Variants in GRID2 observed in about 807,000 individuals in gnomAD.
GRID2 encodes glutamate receptor ionotropic, delta-2.
Under a neutral mutation model 114.8 loss-of-function variants are expected in GRID2, and 33 were observed. The observed-to-expected ratio is 0.29, with a 90% CI of 0.22 to 0.38. GRID2 has a LOEUF of 0.38. Among genes scored for constraint, GRID2 ranks in the 10% least tolerant of loss-of-function variants. GRID2 has a pLI of 1.00. For missense variants in GRID2, 1,184 were observed against 1,257.7 expected, an observed-to-expected ratio of 0.94 and a Z score of 0.89; for synonymous variants, 505 against 449.9, an observed-to-expected ratio of 1.12 and a Z score of -1.55.
At chr4:93,413,954 G>T (rs1279106204) in intron 9 of GRID2, among the ~76,000 whole-genome samples, 1 of 152,084 alleles carries the variant, frequency 6.6e-6, no homozygotes, top group Non-Finnish European at 1.5e-5. Context: ...GAAAGCTTTA[G>T]TTCATCTAAT....
chr4:93,013,841 A>G (rs1175961927), intron 2 of GRID2, among the ~76,000 whole-genome samples: 1 of 151,978 alleles, frequency 6.6e-6, no homozygotes, highest in Non-Finnish European at 1.5e-5. Flanking sequence ...TTTAATAAAC[A>G]TTATTTGAGG....
intron 2 of GRID2, among the ~76,000 whole-genome samples, chr4:92,938,304 T>C (rs1750818585): frequency 6.8e-6 from 1 of 146,750 alleles, no homozygotes; most frequent in Non-Finnish European, 1.5e-5. Context: ...TTCTTATCAA[T>C]AGCATAAATC....
At chr4:92,920,412 C>T (rs2149503842) in intron 2 of GRID2, among the ~76,000 whole-genome samples, 1 of 152,246 alleles carries the variant, frequency 6.6e-6, no homozygotes, top group Non-Finnish European at 1.5e-5. Flanking sequence ...GGTTATTTTG[C>T]TCATTAGTTG....
At chr4:92,829,500 T>C (rs1022358290) in intron 2 of GRID2, among the ~76,000 whole-genome samples, 3 of 152,088 alleles carry the variant, frequency 2.0e-5, no homozygotes, top group Non-Finnish European at 4.4e-5. Flanking sequence ...GAGTGTAAAT[T>C]AGTTGAACCA....
intron 13 of GRID2, among the ~76,000 whole-genome samples, chr4:93,524,458 GATC>G (rs1730633135): frequency 1.3e-5 from 2 of 152,182 alleles, no homozygotes; most frequent in Admixed American, 1.3e-4. Flanking sequence ...AAGATGTAGA[GATC>G]ATTTCCAGCA....
chr4:92,737,274 T>A (rs1736643086), intron 2 of GRID2, among the ~76,000 whole-genome samples: 1 of 152,108 alleles, frequency 6.6e-6, no homozygotes, highest in Non-Finnish European at 1.5e-5. Flanking sequence ...TGATCAGGAA[T>A]ACTGAAGTGA....
chr4:93,493,229 C>T (rs886108952), intron 12 of GRID2, among the ~76,000 whole-genome samples: 4 of 151,620 alleles, frequency 2.6e-5, no homozygotes, highest in African/African-American at 4.8e-5. Context: ...ATAAATAAAT[C>T]GTAAAAAGTT....
At chr4:93,001,906 G>A (rs1348128769) in intron 2 of GRID2, among the ~76,000 whole-genome samples, 1 of 150,442 alleles carries the variant, frequency 6.6e-6, no homozygotes, top group Non-Finnish European at 1.5e-5. Flanking sequence ...AAATTATAAA[G>A]GATAGACACC....
chr4:93,296,110 G>T (rs1754280305), intron 8 of GRID2, among the ~76,000 whole-genome samples: 1 of 152,152 alleles, frequency 6.6e-6, no homozygotes, highest in South Asian at 2.1e-4. Flanking sequence ...TAATGGTGTT[G>T]GCAGGCCATA....
intron 2 of GRID2, among the ~76,000 whole-genome samples, chr4:92,916,874 C>T (rs1748847649): frequency 6.6e-6 from 1 of 152,098 alleles, no homozygotes; most frequent in Non-Finnish European, 1.5e-5. Flanking sequence ...TGGGTATATA[C>T]CCAGTAATGG....
chr4:93,419,555 C>A (rs1768060706), intron 9 of GRID2, among the ~76,000 whole-genome samples: 1 of 151,962 alleles, frequency 6.6e-6, no homozygotes, highest in Non-Finnish European at 1.5e-5. Context: ...GAGCTTAAAA[C>A]TAAAGCTTTA....
intron 2 of GRID2, among the ~76,000 whole-genome samples, chr4:92,806,517 A>G (rs920678813): frequency 6.6e-6 from 1 of 151,750 alleles, no homozygotes; most frequent in African/African-American, 2.4e-5. Flanking sequence ...TGTCTCCACT[A>G]TTACAATATA....
At chr4:93,089,826 A>G (rs545087972) in intron 3 of GRID2, among the ~76,000 whole-genome samples, 1 of 152,208 alleles carries the variant, frequency 6.6e-6, no homozygotes, top group South Asian at 2.1e-4. Context: ...GAGAGACTTT[A>G]TTACTCATGG....
At chr4:93,338,656 TTGTTCAAGC>T (rs1759330021) in intron 8 of GRID2, among the ~76,000 whole-genome samples, 1 of 152,196 alleles carries the variant, frequency 6.6e-6, no homozygotes, top group African/African-American at 2.4e-5. Flanking sequence ...TCTTGTGAGC[TTGTTCAAGC>T]TGGCTCTATC....
intron 9 of GRID2, among the ~76,000 whole-genome samples, chr4:93,411,350 CAT>C (rs150042778): frequency 0.012 from 1,780 of 152,102 alleles, 30 homozygotes; most frequent in African/African-American, 0.039. Flanking sequence ...CATGTACACA[CAT>C]GTTTCAAATT....
At chr4:92,453,201 T>C (rs1409327070) in intron 1 of GRID2, among the ~76,000 whole-genome samples, 1 of 151,972 alleles carries the variant, frequency 6.6e-6, no homozygotes, top group African/African-American at 2.4e-5. Context: ...CCATCAAACA[T>C]TGAAGCAGTT....
At chr4:93,516,188 T>C (rs1396945936) in intron 13 of GRID2, among the ~76,000 whole-genome samples, 3 of 152,184 alleles carry the variant, frequency 2.0e-5, no homozygotes, top group East Asian at 1.9e-4. Context: ...AATAGTGGTA[T>C]ACACTTTTTC....
chr4:92,444,400 T>TG (rs147478949), intron 1 of GRID2, among the ~76,000 whole-genome samples: 1 of 148,280 alleles, frequency 6.7e-6, no homozygotes, highest in Admixed American at 6.7e-5. Flanking sequence ...CGGGCAGGAG[T>TG]GGGGGTCACA....
At chr4:92,963,916 A>G (rs1006978090) in intron 2 of GRID2, among the ~76,000 whole-genome samples, 2 of 152,046 alleles carry the variant, frequency 1.3e-5, no homozygotes, top group South Asian at 2.1e-4. Context: ...CATAAAATCA[A>G]TATTAATTTC....
Sources: allele counts gnomAD v4.1 joint callset (sites outside exome capture counted in the v4.1 genomes callset), GRCh38; gene constraint gnomAD v4.1.1; transcripts MANE v1.5; gene names NCBI Gene and HGNC (gene_info 2026-07-23, HGNC 2026-07-21).